Variants in FAM178B observed in about 807,000 individuals in gnomAD.
FAM178B encodes the protein protein FAM178B.
Under a neutral mutation model 91.7 loss-of-function variants are expected in FAM178B, and 82 were observed. The observed-to-expected ratio is 0.89, with a 90% CI of 0.75 to 1.07. The LOEUF (loss-of-function observed/expected upper bound fraction) is 1.07, where lower values mean the gene tolerates loss of function less well. Ranked by LOEUF, FAM178B falls within the 50% of genes least tolerant of loss-of-function variation. FAM178B has a pLI of 0.00. For synonymous variants in FAM178B, 368 were observed against 359.4 expected (o/e 1.02, Z -0.27); for missense variants, 769 against 846.7 (o/e 0.91, Z 1.14).
At chr2:96,878,316 C>T in intron 15 of FAM178B, 100 bp downstream of exon 15, 1 of 1,177,056 alleles carries the variant, frequency 8.5e-7, no homozygotes. Context: ...TCTGCAGTTC[C>T]TAACAGTGGG....
At chr2:96,954,325 GC>G (rs1453152382) in intron 6 of FAM178B, among the ~76,000 whole-genome samples, 1 of 152,248 alleles carries the variant, frequency 6.6e-6, no homozygotes, top group African/African-American at 2.4e-5. Context: ...GCAGGTGTCT[GC>G]CTCCACCCTC....
chr2:96,883,979 CGGA>C (rs1559048512), intron 14 of FAM178B, among the ~76,000 whole-genome samples: 11 of 152,220 alleles, frequency 7.2e-5, no homozygotes, highest in Non-Finnish European at 1.5e-4. Context: ...TGTAAGCACA[CGGA>C]CTGAAGATCG....
chr2:96,955,486 G>C (rs2081986792), intron 6 of FAM178B, among the ~76,000 whole-genome samples: 3 of 151,448 alleles, frequency 2.0e-5, no homozygotes, highest in Non-Finnish European at 4.4e-5. Context: ...ACTCCAGCCT[G>C]GGAGACAGAG....
chr2:96,913,451 G>A (rs935291850), intron 12 of FAM178B, among the ~76,000 whole-genome samples: 9 of 152,154 alleles, frequency 5.9e-5, no homozygotes, highest in South Asian at 2.1e-4. Flanking sequence ...ACCCAGGGCC[G>A]GGCAGTGGTA....
At chr2:96,960,866 G>A (rs920581486) in intron 5 of FAM178B, among the ~76,000 whole-genome samples, 8 of 152,186 alleles carry the variant, frequency 5.3e-5, no homozygotes, top group African/African-American at 9.6e-5. Flanking sequence ...GGAGAGGAGC[G>A]CTGGGTGCGG....
At chr2:96,921,352 A>G (rs995929944) in intron 11 of FAM178B, 90 bp from the exon 12 acceptor site, 7 of 1,502,984 alleles carry the variant, frequency 4.7e-6, no homozygotes, top group African/African-American at 2.8e-5. Flanking sequence ...GTAAGTGGGC[A>G]GTCACGGAGA....
intron 6 of FAM178B, among the ~76,000 whole-genome samples, chr2:96,956,178 A>T (rs575667141): frequency 6.6e-6 from 1 of 152,212 alleles, no homozygotes; most frequent in Non-Finnish European, 1.5e-5. Flanking sequence ...TGGTCCTGAC[A>T]CTTTTCCATG....
At chr2:96,949,991 G>C (rs775428928) in intron 7 of FAM178B, 1 of 985,794 alleles carries the variant, frequency 1.0e-6, no homozygotes, top group Non-Finnish European at 1.2e-6. Context: ...CTGACCTCAG[G>C]GCTGGGTCCT....
chr2:96,900,368 T>C (rs1442386593), intron 13 of FAM178B, among the ~76,000 whole-genome samples: 1 of 151,874 alleles, frequency 6.6e-6, no homozygotes, highest in South Asian at 2.1e-4. Flanking sequence ...GTTCTCCCCA[T>C]GCACCCCGAC....
intron 13 of FAM178B, among the ~76,000 whole-genome samples, chr2:96,894,464 T>A (rs1234756771): frequency 1.5e-5 from 1 of 66,422 alleles, no homozygotes; most frequent in Admixed American, 1.9e-4. Flanking sequence ...ACTCACCCCC[T>A]CCACAGACCC....
intron 9 of FAM178B, among the ~76,000 whole-genome samples, chr2:96,926,228 G>A (rs2081435843): frequency 2.0e-5 from 3 of 152,152 alleles, no homozygotes; most frequent in East Asian, 1.9e-4. Flanking sequence ...GCTTTAACCC[G>A]GAGGCGGAGG....
rs2080837614 is a variant in FAM178B at position 96,897,013 on chromosome 2, G to C, written c.1651-2962C>G. Reference sequence around the variant, plus strand: ...TCCCGAGTAGCTGGGATTACAGGCGGCCACCACCACGTCCAGCTAATTTTT... The same window carrying C: ...TCCCGAGTAGCTGGGATTACAGGCGCCCACCACCACGTCCAGCTAATTTTT... On this transcript the variant is annotated intron_variant, in intron 13 of 16. Coordinates refer to ENST00000490605, the MANE Select transcript of FAM178B (RefSeq NM_001122646.3). 2.0e-5 allele frequency among the ~76,000 whole-genome samples: 3 copies of C among 152,210 alleles called. No individual in the cohort carries two copies. The East Asian group carries it at 5.8e-4, about 29-fold the overall frequency.
intron 14 of FAM178B, among the ~76,000 whole-genome samples, chr2:96,891,256 G>C (rs918320900): frequency 3.0e-4 from 46 of 152,316 alleles, no homozygotes; most frequent in African/African-American, 1.1e-3. Flanking sequence ...AATTACAAAC[G>C]ATGTGCTGGG....
chr2:96,940,314 G>A (rs941196271), intron 8 of FAM178B, among the ~76,000 whole-genome samples: 45 of 152,338 alleles, frequency 3.0e-4, no homozygotes, highest in African/African-American at 8.2e-4. Flanking sequence ...CGCCACAGGA[G>A]ACGCGACCTG....
intron 13 of FAM178B, among the ~76,000 whole-genome samples, chr2:96,895,374 C>T (rs1021304872): frequency 6.6e-6 from 1 of 152,234 alleles, no homozygotes; most frequent in Admixed American, 6.5e-5. Flanking sequence ...CCACACACTG[C>T]TTTTGGCTGA....
chr2:96,903,711 C>T (rs890132591), intron 12 of FAM178B, among the ~76,000 whole-genome samples: 1 of 152,250 alleles, frequency 6.6e-6, no homozygotes, highest in Non-Finnish European at 1.5e-5. Flanking sequence ...TGCCCAGAGA[C>T]AGCTGTGCCT....
chr2:96,981,986 G>C (rs1243829558), intron 1 of FAM178B, among the ~76,000 whole-genome samples: 1 of 151,846 alleles, frequency 6.6e-6, no homozygotes, highest in Non-Finnish European at 1.5e-5. Flanking sequence ...AGGATCATCT[G>C]AGTCCAGGAG....
chr2:96,903,019 A>T (rs955818468), intron 12 of FAM178B, among the ~76,000 whole-genome samples: 1 of 151,886 alleles, frequency 6.6e-6, no homozygotes, highest in Non-Finnish European at 1.5e-5. Flanking sequence ...TAGAGGCAGC[A>T]GCACTGAACT....
At chr2:96,925,725 A>G (rs1318585667) in intron 9 of FAM178B, among the ~76,000 whole-genome samples, 1 of 152,116 alleles carries the variant, frequency 6.6e-6, no homozygotes, top group Non-Finnish European at 1.5e-5. Context: ...TCTCGGAGAC[A>G]CCGTTCAATA....
Sources: gnomAD v4.1 joint callset for allele counts (sites outside exome capture counted in the v4.1 genomes callset) on GRCh38, gnomAD v4.1.1 for gene constraint, MANE v1.5 for transcripts, NCBI Gene and HGNC (gene_info 2026-07-23, HGNC 2026-07-21) for gene names.